Variants in CEACAM16 observed in about 807,000 individuals in gnomAD.
CEACAM16 encodes the protein CEA cell adhesion molecule 16, tectorial membrane component.
Under a neutral mutation model 39.4 loss-of-function variants are expected in CEACAM16, and 30 were observed. The observed-to-expected ratio is 0.76, with a 90% CI of 0.57 to 1.03. The LOEUF (loss-of-function observed/expected upper bound fraction) is 1.03, where lower values mean the gene tolerates loss of function less well. Among genes scored for constraint, CEACAM16 ranks in the 50% least tolerant of loss-of-function variants. CEACAM16 has a pLI of 0.00. For missense variants in CEACAM16, 521 were observed against 585.3 expected (o/e 0.89, Z 1.13); for synonymous variants, 262 against 264.9 (o/e 0.99, Z 0.11).
chr19:44,704,424 A>G (rs1568527694), intron 4 of CEACAM16, 128 bp downstream of exon 4: 1 of 1,233,910 alleles, frequency 8.1e-7, no homozygotes. Context: ...GGGACCAGGG[A>G]CCCCTCTTAA....
At chr19:44,707,715 G>A (rs1002181839) in intron 5 of CEACAM16, 146 bp from the exon 6 acceptor site, 20 of 626,058 alleles carry the variant, frequency 3.2e-5, no homozygotes, top group Admixed American at 1.6e-4. Context: ...CTCCACCACC[G>A]CACAAGTCAC....
intron 5 of CEACAM16, among the ~76,000 whole-genome samples, chr19:44,706,585 G>T (rs755466020): frequency 3.3e-5 from 5 of 152,146 alleles, no homozygotes; most frequent in Non-Finnish European, 5.9e-5. Flanking sequence ...CCACTAACAG[G>T]CTGGGTCTCA....
intron 5 of CEACAM16, among the ~76,000 whole-genome samples, chr19:44,706,734 C>T (rs1481384940): frequency 6.6e-6 from 1 of 152,184 alleles, no homozygotes; most frequent in Non-Finnish European, 1.5e-5. Context: ...AGGCGCCACC[C>T]CAAGCCCTGT....
Position 44,706,376 on chromosome 19 carries a change from C to T in CEACAM16, c.940+508C>T, listed in dbSNP as rs758105519. 4.5e-4 allele frequency among the ~76,000 whole-genome samples: 68 copies of T among 152,032 alleles called. 1 individual carries two copies. The highest frequency in any genetic ancestry group is 6.6e-4 in the Non-Finnish European group (45 of 67,990). ...CAGCTGGGGAGGCATTGTCATCTTG[C>T]TTCTGTCCTAAAATGACCTGAGGGC... On this transcript the variant is annotated intron_variant, in intron 5 of 6. Transcript: ENST00000587331.
intron 1 of CEACAM16, among the ~76,000 whole-genome samples, chr19:44,700,344 G>A (rs938379043): frequency 7.9e-5 from 12 of 151,988 alleles, no homozygotes; most frequent in African/African-American, 2.7e-4. Flanking sequence ...CGCCATGTTG[G>A]TCAGGCTGGT....
intron 5 of CEACAM16, among the ~76,000 whole-genome samples, chr19:44,706,713 C>T (rs1366905255): frequency 6.6e-6 from 1 of 152,152 alleles, no homozygotes; most frequent in Non-Finnish European, 1.5e-5. Flanking sequence ...GGGGATGGAC[C>T]AGATGACCTC....
chr19:44,706,917 G>A lies in CEACAM16; in HGVS notation c.941-944G>A, dbSNP rs191984499. Among the ~76,000 whole-genome samples the A allele has an allele frequency of 2.8e-3, 424 of 152,344 alleles. 1 individual carries two copies. Among genetic ancestry groups the A allele is most frequent in the South Asian group, 7.0e-3 (34 of 4,834 alleles). On this transcript the variant is annotated intron_variant, in intron 5 of 6. Coordinates refer to ENST00000587331, the MANE Select transcript of CEACAM16 (RefSeq NM_001039213.4). ...CACCTTGGGAGACTAATCTGATGGA[G>A]GAGACAAGGCCTCTGTCCTTGGAGA...
Position 44,705,777 on chromosome 19 carries a change from G to A in CEACAM16, c.849G>A (p.Met283Ile), listed in dbSNP as rs1481602822. ...NGQDHLNISS[M>I]TAAQEGTYTC... ...AAGACCACCTCAACATCAGCAGCAT[G>A]ACAGCCGCCCAGGAGGGGACGTACA... Residue 283 changes from methionine to isoleucine, a missense_variant, in exon 5 of 7, where the codon ATG becomes ATA. By Grantham distance (10) the Met-to-Ile change is conservative. Coordinates refer to ENST00000587331, the MANE Select transcript of CEACAM16 (RefSeq NM_001039213.4). The A allele has an allele frequency of 1.9e-6, 3 of 1,613,900 alleles. No homozygotes were observed. The African/African-American group carries it at 4.0e-5, about 22-fold the overall frequency.
At chr19:44,707,393 C>T (rs1720248525) in intron 5 of CEACAM16, among the ~76,000 whole-genome samples, 1 of 152,016 alleles carries the variant, frequency 6.6e-6, no homozygotes, top group Non-Finnish European at 1.5e-5. Context: ...AGGAGACATG[C>T]TCTCACCCTC....
intron 6 of CEACAM16, 86 bp from the exon 7 acceptor site, chr19:44,710,410 G>T (rs1050162329): frequency 2.7e-6 from 4 of 1,487,280 alleles, no homozygotes; most frequent in Non-Finnish European, 2.8e-6. Flanking sequence ...GGTGGGCAGG[G>T]GAGCAGAAGG....
chr19:44,709,327 G>T (rs1201288890), intron 6 of CEACAM16, among the ~76,000 whole-genome samples: 1 of 151,364 alleles, frequency 6.6e-6, no homozygotes, highest in Non-Finnish European at 1.5e-5. Flanking sequence ...CCATCAGACT[G>T]GGAGCTCCCA....
chr19:44,704,732 TG>T (rs1446994726), intron 4 of CEACAM16, among the ~76,000 whole-genome samples: 2 of 144,340 alleles, frequency 1.4e-5, no homozygotes, highest in Non-Finnish European at 3.0e-5. Context: ...AGCAAGATGC[TG>T]TCTCAAAAAA....
rs1284100911 is a variant in CEACAM16 at position 44,704,282 on chromosome 19, A to G, written c.647A>G (p.Asn216Ser). 13 of 1,517,742 alleles carry G rather than the reference A, an allele frequency of 8.6e-6. No homozygotes were observed. Among genetic ancestry groups the G allele is most frequent in the Admixed American group, 4.0e-5 (2 of 49,796 alleles). The allele number at this position is 1,517,742 out of a possible 1,614,324, so 94.0% of individuals were successfully genotyped here. A position where few individuals can be genotyped will look rare whatever the true frequency, so the allele number is the denominator to read the frequency against. ...AGTGTCAGCCGCAGCGAGCCCATCA[A>G]CCTGACCGTGTACTGTGAGTCCTCC... is the stretch of plus-strand genomic sequence containing the variant. The part of the protein sequence containing the change: ...PVSVSRSEPI[N>S]LTVYFGPERV... The change falls in exon 4 of 7, where the codon AAC (asparagine) becomes AGC (serine). Residue 216 changes from asparagine (N) to serine (S), a missense_variant. Physicochemically the swap from Asn to Ser is conservative, Grantham distance 46. Coordinates refer to ENST00000587331, the MANE Select transcript of CEACAM16 (RefSeq NM_001039213.4).
chr19:44,710,154 T>C (rs1306004319), intron 6 of CEACAM16, among the ~76,000 whole-genome samples: 1 of 152,210 alleles, frequency 6.6e-6, no homozygotes, highest in Non-Finnish European at 1.5e-5. Flanking sequence ...GATCAAGGAC[T>C]CAACCACTGC....
intron 1 of CEACAM16, among the ~76,000 whole-genome samples, chr19:44,700,293 C>A (rs1450245684): frequency 6.6e-6 from 1 of 152,166 alleles, no homozygotes; most frequent in African/African-American, 2.4e-5. Context: ...GCGTTAGCCA[C>A]CACACCCAGC....
Position 44,710,599 on chromosome 19 carries a change from G to C in CEACAM16, c.*93G>C. Reference sequence around the variant, plus strand: ...GTGGGAACCACTCCCCCACAGCGAGGATGCCAGGCTGTGGTCCTGCTGTTC... The same window carrying C: ...GTGGGAACCACTCCCCCACAGCGAGCATGCCAGGCTGTGGTCCTGCTGTTC... On this transcript the variant is annotated 3_prime_UTR_variant, in exon 7 of 7. Coordinates refer to ENST00000587331, the MANE Select transcript of CEACAM16 (RefSeq NM_001039213.4). 6.4e-7 allele frequency: 1 copy of C among 1,557,554 alleles called. No individual in the cohort carries two copies. The highest frequency in any genetic ancestry group is 8.9e-7 in the Non-Finnish European group (1 of 1,129,668).
chr19:44,700,548 G>A (rs1974329218), intron 1 of CEACAM16, among the ~76,000 whole-genome samples: 1 of 152,216 alleles, frequency 6.6e-6, no homozygotes, highest in Non-Finnish European at 1.5e-5. Flanking sequence ...CGAAGTGCTG[G>A]GATGACAGGC....
At position 44,702,282 on chromosome 19, in the gene CEACAM16, G is replaced by T. The variant is rs551233626; in HGVS notation, c.37+789G>T. ...CACTCCAGCCTGGGCAACAAAGCAAGACTCCATCTCAAAAAAAAAAAACAA... is the reference window on the plus strand; with the variant it reads ...CACTCCAGCCTGGGCAACAAAGCAATACTCCATCTCAAAAAAAAAAAACAA... On this transcript the variant is annotated intron_variant, in intron 2 of 6. Transcript: ENST00000587331. Among the ~76,000 whole-genome samples the T allele has an allele frequency of 2.7e-5, 4 of 150,888 alleles. No homozygotes were observed. The South Asian group carries it at 8.4e-4, about 32-fold the overall frequency.
At position 44,704,326 on chromosome 19, in the gene CEACAM16, C is replaced by G. The variant is rs903436116; in HGVS notation, c.661+30C>G. On this transcript the variant is annotated intron_variant, in intron 4 of 6. Coordinates refer to ENST00000587331, the MANE Select transcript of CEACAM16 (RefSeq NM_001039213.4). Reference sequence around the variant, plus strand: ...GTCCTCCTGGCCCCACTGGAGATACCCAGTGTCCAAACCTCATGGATGGGG... The same window carrying G: ...GTCCTCCTGGCCCCACTGGAGATACGCAGTGTCCAAACCTCATGGATGGGG... 6.1e-6 allele frequency: 9 copies of G among 1,466,822 alleles called. No homozygotes were observed. In the African/African-American group the frequency reaches 1.3e-4, roughly 21 times the overall value. 90.9% of individuals were successfully genotyped at this position (1,466,822 alleles called of 1,614,324 possible).
Sources: allele counts gnomAD v4.1 joint callset (sites outside exome capture counted in the v4.1 genomes callset), GRCh38; gene constraint gnomAD v4.1.1; transcripts MANE v1.5; gene names NCBI Gene and HGNC (gene_info 2026-07-23, HGNC 2026-07-21).